GLI2: variants seen among roughly 807,000 people sequenced by gnomAD.
GLI2 encodes the protein GLI family zinc finger 2.
In GLI2, 22 loss-of-function variants were observed where a neutral mutation model predicts 78.9. That is an observed-to-expected ratio of 0.28 (90% CI 0.20 to 0.40). The LOEUF is 0.40. Among genes scored for constraint, GLI2 ranks in the 10% least tolerant of loss-of-function variants. GLI2 has a pLI of 1.00. For synonymous variants in GLI2, 974 were observed against 963.7 expected (o/e 1.01, Z -0.20); for missense variants, 2,097 against 2,213.2 (o/e 0.95, Z 1.05).
chr2:120,850,438 T>C (rs1687347469), intron 2 of GLI2, among the ~76,000 whole-genome samples: 5 of 152,190 alleles, frequency 3.3e-5, no homozygotes, highest in Admixed American at 2.6e-4. Context: ...AAATTAGCAA[T>C]GAAACTATCA....
intron 3 of GLI2, among the ~76,000 whole-genome samples, chr2:120,935,592 C>T (rs1008001104): frequency 4.6e-5 from 7 of 152,198 alleles, no homozygotes; most frequent in African/African-American, 1.7e-4. Flanking sequence ...GTGGGATTAT[C>T]ACTCCCCAAT....
chr2:120,736,770 C>T (rs776500), intron 1 of GLI2, among the ~76,000 whole-genome samples: 35 of 152,092 alleles, frequency 2.3e-4, no homozygotes, highest in Middle Eastern at 3.4e-3. Context: ...CACTTCTCCG[C>T]GCTGCGCGTC....
rs1684646017 is a variant in GLI2, at chr2:120,800,440, C to T, written c.148+2972C>T. ...CCGTGACATTGTCCCCCATGGTTCA[C>T]ACCCTGATTTGCTGTCTGGCGGAAA... On this transcript the variant is annotated intron_variant, in intron 2 of 13. Transcript: ENST00000361492. This position sits in a 1 kb window ranked among gnomAD's most constrained non-coding sequence, Gnocchi z 4.1. 6.6e-6 allele frequency among the ~76,000 whole-genome samples: 1 copy of T among 151,918 alleles called. No homozygotes were observed.
At chr2:120,773,476 C>T (rs536670180) in intron 1 of GLI2, among the ~76,000 whole-genome samples, 96 of 152,318 alleles carry the variant, frequency 6.3e-4, no homozygotes, top group African/African-American at 2.2e-3. Context: ...TGCAGCCTGA[C>T]GTGCTGATGT....
Position 120,988,441 on chromosome 2 carries a change from G to T in GLI2, c.2476G>T (p.Ala826Ser). 6.4e-7 allele frequency: 1 copy of T among 1,572,944 alleles called. No individual in the cohort carries two copies. The highest frequency in any genetic ancestry group is 8.6e-7 in the Non-Finnish European group (1 of 1,169,154). Residue 826 changes from alanine to serine, a missense_variant, in exon 14 of 14, where the codon GCC (alanine) becomes TCC (serine). Physicochemically the swap from Ala to Ser is moderately conservative, Grantham distance 99. Around this residue, in one of 5 missense-constraint regions of GLI2, gnomAD observed 1,290 missense variants for 1,261.7 expected, o/e 1.02. Coordinates refer to ENST00000361492, the MANE Select transcript of GLI2 (RefSeq NM_001374353.1). ...RRSSEASPLG[A>S]GRPHNASSAD... is the part of the protein sequence containing the mutation. ...CTCCAGCGAGGCCTCGCCCCTGGGC[G>T]CCGGCCGCCCGCACAACGCGAGCTC...
At chr2:120,931,694 G>A (rs1679950829) in intron 3 of GLI2, among the ~76,000 whole-genome samples, 3 of 152,198 alleles carry the variant, frequency 2.0e-5, no homozygotes, top group Non-Finnish European at 4.4e-5. Flanking sequence ...TCTGTGAGAT[G>A]GGGGTTAAGC....
At chr2:120,911,246 G>A (rs919142865) in intron 2 of GLI2, among the ~76,000 whole-genome samples, 2 of 152,208 alleles carry the variant, frequency 1.3e-5, no homozygotes, top group South Asian at 2.1e-4. Context: ...ACTGAACCAG[G>A]GCAAGTTACT....
intron 2 of GLI2, among the ~76,000 whole-genome samples, chr2:120,813,309 G>A (rs1685344553): frequency 1.3e-5 from 2 of 152,314 alleles, no homozygotes; most frequent in South Asian, 4.1e-4. Context: ...AGAAGGGAAG[G>A]CAAGAACCCC....
intron 2 of GLI2, among the ~76,000 whole-genome samples, chr2:120,813,648 C>T (rs540863745): frequency 6.6e-6 from 1 of 152,310 alleles, no homozygotes; most frequent in South Asian, 2.1e-4. Context: ...CCCAGATCCC[C>T]AGGTCCCCCA....
chr2:120,737,009 C>T lies in GLI2; in HGVS notation c.-31+724C>T, dbSNP rs984717669. ...CCTTCCACCTCACTTTCATCCCTGC[C>T]CCCCTACTCATCGTCTCTCCCCACC... On this transcript the variant is annotated intron_variant, in intron 1 of 13. Transcript: ENST00000361492. This position sits in a 1 kb window ranked among gnomAD's most constrained non-coding sequence, Gnocchi z 4.3. Among the ~76,000 whole-genome samples the T allele has an allele frequency of 2.0e-5, 3 of 152,050 alleles. No homozygotes were observed. The highest frequency in any genetic ancestry group is 7.2e-5 in the African/African-American group (3 of 41,388).
chr2:120,954,447 TG>T (rs1681144511), intron 4 of GLI2, among the ~76,000 whole-genome samples: 1 of 152,148 alleles, frequency 6.6e-6, no homozygotes, highest in African/African-American at 2.4e-5. Flanking sequence ...TTCCATGGCC[TG>T]GTCTCCTCTC....
rs1430581853 is a variant in GLI2, at chr2:120,740,504, A to G, written c.-31+4219A>G. 2.6e-5 allele frequency among the ~76,000 whole-genome samples: 4 copies of G among 151,908 alleles called. No individual in the cohort carries two copies. In the East Asian group the frequency reaches 5.8e-4, roughly 22 times the overall value. On this transcript the variant is annotated intron_variant, in intron 1 of 13. Coordinates refer to ENST00000361492, the MANE Select transcript of GLI2 (RefSeq NM_001374353.1). Reference sequence around the variant, plus strand: ...TGAGTGCCGGGTTTCAGCTATTAGCATAAGAAAAAAAGTTTTAGTGCGTTT... The same window carrying G: ...TGAGTGCCGGGTTTCAGCTATTAGCGTAAGAAAAAAAGTTTTAGTGCGTTT...
At chr2:120,756,092 G>A (rs964878336) in intron 1 of GLI2, among the ~76,000 whole-genome samples, 1 of 152,080 alleles carries the variant, frequency 6.6e-6, no homozygotes, top group Non-Finnish European at 1.5e-5. Context: ...AATCATCTTG[G>A]CAATCTCTCC....
chr2:120,990,533 A>T lies in GLI2; in HGVS notation c.4568A>T (p.Asn1523Ile), dbSNP rs1346155691. ...AGCCTCCTCCACAGCCTCTCCCAGA[A>T]CTCCTCCCGCCTCACCACCCCCCGA... Reference protein sequence around the residue: ...SPSLLHSLSQNSSRLTTPRNS... With the variant: ...SPSLLHSLSQISSRLTTPRNS... Residue 1523 changes from asparagine (N) to isoleucine (I), a missense_variant, in exon 14 of 14, where the codon AAC becomes ATC. By Grantham distance (149) the Asn-to-Ile change is moderately radical. Coordinates refer to ENST00000361492, the MANE Select transcript of GLI2 (RefSeq NM_001374353.1). 1 of 1,611,252 alleles carries T rather than the reference A, an allele frequency of 6.2e-7. No homozygotes were observed. Among genetic ancestry groups the T allele is most frequent in the Non-Finnish European group, 8.5e-7 (1 of 1,179,200 alleles).
chr2:120,884,573 T>C lies in GLI2; in HGVS notation c.149-42788T>C, dbSNP rs140024929. 1.9e-3 allele frequency among the ~76,000 whole-genome samples: 290 copies of C among 152,290 alleles called. 1 individual carries two copies. The highest frequency in any genetic ancestry group is 6.6e-3 in the African/African-American group (273 of 41,552). ...GTCTCCTGACCTTCCCCCTCACACATTCTTTTCAGAAATGAAGCTGTGTGC... is the reference window on the plus strand; with the variant it reads ...GTCTCCTGACCTTCCCCCTCACACACTCTTTTCAGAAATGAAGCTGTGTGC... On this transcript the variant is annotated intron_variant, in intron 2 of 13. Transcript: ENST00000361492.
chr2:120,779,717 C>G (rs972341715), intron 1 of GLI2, among the ~76,000 whole-genome samples: 1 of 152,224 alleles, frequency 6.6e-6, no homozygotes, highest in African/African-American at 2.4e-5. Flanking sequence ...AGTTAATTAC[C>G]TTGCCCAAGG....
At chr2:120,884,714 A>G (rs1189934916) in intron 2 of GLI2, among the ~76,000 whole-genome samples, 2 of 152,184 alleles carry the variant, frequency 1.3e-5, no homozygotes, top group East Asian at 3.9e-4. Flanking sequence ...GCTGAGTGAC[A>G]TTAGGGTGGC....
intron 3 of GLI2, among the ~76,000 whole-genome samples, chr2:120,939,550 C>T (rs892602181): frequency 2.7e-4 from 41 of 152,198 alleles, no homozygotes. Context: ...GCTTTATATA[C>T]ATGGAATCAT....
At chr2:120,787,234 G>A (rs1039193965) in intron 1 of GLI2, among the ~76,000 whole-genome samples, 6 of 152,204 alleles carry the variant, frequency 3.9e-5, no homozygotes, top group Admixed American at 2.0e-4. Flanking sequence ...CAGCATGACT[G>A]CGGTGGAATG....
Sources: gnomAD v4.1 joint callset for allele counts (sites outside exome capture counted in the v4.1 genomes callset) on GRCh38, gnomAD v4.1.1 for gene constraint, gnomAD v4.1.1 regional missense constraint, Gnocchi (gnomAD v3.1) non-coding constraint, MANE v1.5 for transcripts, NCBI Gene and HGNC (gene_info 2026-07-23, HGNC 2026-07-21) for gene names.